CTNNA2: variants seen among roughly 807,000 people sequenced by gnomAD.
CTNNA2 encodes the protein catenin alpha 2.
In CTNNA2, 42 loss-of-function variants were observed where a neutral mutation model predicts 101.0. That is an observed-to-expected ratio of 0.42 (90% confidence interval 0.32 to 0.54). The LOEUF is 0.54. CTNNA2 is among the 20% of genes least tolerant of loss of function. The pLI is 0.14. For synonymous variants in CTNNA2, 450 were observed against 456.4 expected (o/e 0.99, Z 0.18); for missense variants, 871 against 1,223.1 (o/e 0.71, Z 4.29).
chr2:79,859,914 G>A (rs543891153), intron 4 of CTNNA2, among the ~76,000 whole-genome samples: 6 of 152,156 alleles, frequency 3.9e-5, no homozygotes, highest in Non-Finnish European at 5.9e-5. Context: ...GGAGCCCTCA[G>A]GGTGGTGGGG....
intron 2 of CTNNA2, among the ~76,000 whole-genome samples, chr2:79,699,616 A>ATGT (rs1030320167): frequency 6.6e-6 from 1 of 151,626 alleles, no homozygotes; most frequent in Non-Finnish European, 1.5e-5. Flanking sequence ...AAAATATTTT[A>ATGT]TGTTAAGAGA....
At chr2:79,939,952 C>T (rs1001224480) in intron 7 of CTNNA2, among the ~76,000 whole-genome samples, 31 of 151,992 alleles carry the variant, frequency 2.0e-4, no homozygotes, top group African/African-American at 5.1e-4. Context: ...ATTAGCTGGG[C>T]GTGGTGGCAT....
intron 2 of CTNNA2, among the ~76,000 whole-genome samples, chr2:79,304,635 G>A (rs534943280): frequency 6.6e-6 from 1 of 152,160 alleles, no homozygotes; most frequent in Non-Finnish European, 1.5e-5. Context: ...TTCTTTTTCT[G>A]TTAAAATACA....
intron 7 of CTNNA2, among the ~76,000 whole-genome samples, chr2:79,997,836 C>T (rs1692666156): frequency 6.6e-6 from 1 of 152,106 alleles, no homozygotes; most frequent in African/African-American, 2.4e-5. Context: ...AACCTTAATC[C>T]AATGACTAAT....
intron 9 of CTNNA2, among the ~76,000 whole-genome samples, chr2:80,536,052 T>C (rs1690985699): frequency 6.6e-6 from 1 of 152,180 alleles, no homozygotes; most frequent in Non-Finnish European, 1.5e-5. Context: ...TCTCAAAGGT[T>C]TCAGGGAGGT....
chr2:79,947,464 T>G (rs907505000), intron 7 of CTNNA2, among the ~76,000 whole-genome samples: 1 of 152,186 alleles, frequency 6.6e-6, no homozygotes, highest in African/African-American at 2.4e-5. Context: ...AGTGCTCATA[T>G]AACAGACAGG....
At chr2:79,331,599 C>T (rs1482932974) in intron 3 of CTNNA2, among the ~76,000 whole-genome samples, 2 of 152,174 alleles carry the variant, frequency 1.3e-5, no homozygotes, top group African/African-American at 4.8e-5. Context: ...TGGGTCTCCA[C>T]TGGAGAATGG....
intron 3 of CTNNA2, among the ~76,000 whole-genome samples, chr2:79,767,380 GT>G (rs1310713131): frequency 6.6e-6 from 1 of 151,994 alleles, no homozygotes; most frequent in Non-Finnish European, 1.5e-5. Context: ...GTGAGGTCAT[GT>G]TTTTCTGGCT....
intron 3 of CTNNA2, among the ~76,000 whole-genome samples, chr2:79,769,440 T>C (rs1397695): frequency 0.16 from 24,088 of 152,166 alleles, 1,996 homozygotes; most frequent in African/African-American, 0.2. Flanking sequence ...ATAAAGTCAG[T>C]TGATATTTTC....
At chr2:80,493,217 C>T (rs138558283) in intron 9 of CTNNA2, among the ~76,000 whole-genome samples, 1,612 of 152,252 alleles carry the variant, frequency 0.011, 28 homozygotes, top group African/African-American at 0.035. Context: ...GCCCAGTGAC[C>T]GGGCCCATTT....
At chr2:80,547,365 G>T (rs1201468993) in intron 11 of CTNNA2, among the ~76,000 whole-genome samples, 1 of 152,086 alleles carries the variant, frequency 6.6e-6, no homozygotes, top group African/African-American at 2.4e-5. Context: ...TCTAGGTTTT[G>T]TTTTAAGAAA....
chr2:80,347,912 TG>T (rs1267870530), intron 7 of CTNNA2, among the ~76,000 whole-genome samples: 1 of 150,908 alleles, frequency 6.6e-6, no homozygotes, highest in South Asian at 2.1e-4. Flanking sequence ...GGGAGCACCT[TG>T]GGGGGAGTTT....
intron 7 of CTNNA2, among the ~76,000 whole-genome samples, chr2:79,982,229 T>TGTACACACACAC (rs1558697419): frequency 0.016 from 973 of 61,218 alleles, 89 homozygotes; most frequent in African/African-American, 0.053. Flanking sequence ...TATATATATA[T>TGTACACACACAC]ATATATATAT....
chr2:80,373,487 T>TA (rs569575247), intron 7 of CTNNA2, among the ~76,000 whole-genome samples: 96 of 152,332 alleles, frequency 6.3e-4, no homozygotes, highest in African/African-American at 2.3e-3. Context: ...AGCTTTCACA[T>TA]AGCATATAGA....
intron 4 of CTNNA2, among the ~76,000 whole-genome samples, chr2:79,395,762 C>T (rs1219718047): frequency 6.6e-6 from 1 of 152,110 alleles, no homozygotes; most frequent in African/African-American, 2.4e-5. Context: ...CTCACAGGAT[C>T]TCTGATAAGA....
intron 1 of CTNNA2, among the ~76,000 whole-genome samples, chr2:79,616,226 C>G (rs550499691): frequency 6.6e-6 from 1 of 152,196 alleles, no homozygotes; most frequent in African/African-American, 2.4e-5. Flanking sequence ...GTATCTTTGG[C>G]ATATTGCTAG....
chr2:80,633,179 G>C (rs1205090475), intron 18 of CTNNA2, among the ~76,000 whole-genome samples: 2 of 152,140 alleles, frequency 1.3e-5, no homozygotes, highest in Non-Finnish European at 2.9e-5. Flanking sequence ...TCATTTCGTG[G>C]TGTGTGCTGC....
intron 7 of CTNNA2, among the ~76,000 whole-genome samples, chr2:79,911,987 A>G (rs1389242523): frequency 6.6e-6 from 1 of 152,200 alleles, no homozygotes; most frequent in Non-Finnish European, 1.5e-5. Flanking sequence ...TGAAAAGTCT[A>G]TTGTAGTTAA....
intron 8 of CTNNA2, among the ~76,000 whole-genome samples, chr2:80,407,390 A>G (rs1400341403): frequency 6.6e-6 from 1 of 152,234 alleles, no homozygotes; most frequent in Non-Finnish European, 1.5e-5. Context: ...AGAGGCATAT[A>G]AGACTAAAAT....
Sources: allele counts gnomAD v4.1 joint callset (sites outside exome capture counted in the v4.1 genomes callset), GRCh38; gene constraint gnomAD v4.1.1; transcripts MANE v1.5; gene names NCBI Gene and HGNC (gene_info 2026-07-23, HGNC 2026-07-21).